FSTL5: variants seen among roughly 807,000 people sequenced by gnomAD.
FSTL5 encodes the protein follistatin-related protein 5.
Under a neutral mutation model 89.1 loss-of-function variants are expected in FSTL5, and 62 were observed. The ratio of observed to expected loss-of-function variants is 0.70; its 90% CI spans 0.57 to 0.86. The LOEUF (loss-of-function observed/expected upper bound fraction) is 0.86, where lower values mean the gene tolerates loss of function less well. FSTL5 is among the 40% of genes least tolerant of loss of function. The probability of loss-of-function intolerance (pLI) is 0.00; values close to 1 mark genes in which losing one functional copy is unlikely to be tolerated. For synonymous variants in FSTL5, 383 were observed against 346.2 expected, an observed-to-expected ratio of 1.11 and a Z score of -1.18; for missense variants, 1,057 against 1,001.6, an observed-to-expected ratio of 1.06 and a Z score of -0.75.
intron 10 of FSTL5, among the ~76,000 whole-genome samples, chr4:161,528,957 TTCA>T (rs199648877): frequency 0.074 from 10,523 of 142,798 alleles, 1,993 homozygotes; most frequent in African/African-American, 0.24. Context: ...TAAATAAAAT[TTCA>T]TCATCATCAT....
chr4:161,635,594 T>G (rs1052285885), intron 7 of FSTL5, among the ~76,000 whole-genome samples: 1 of 152,130 alleles, frequency 6.6e-6, no homozygotes, highest in Non-Finnish European at 1.5e-5. Flanking sequence ...TAAATACTCA[T>G]TGATAAAGTT....
chr4:161,879,317 T>C (rs1214053637), intron 4 of FSTL5, among the ~76,000 whole-genome samples: 2 of 152,162 alleles, frequency 1.3e-5, no homozygotes, highest in East Asian at 1.9e-4. Context: ...ACCCCTGTAA[T>C]AGCTTCCTAC....
At chr4:161,699,296 A>C (rs1738291677) in intron 6 of FSTL5, among the ~76,000 whole-genome samples, 1 of 152,226 alleles carries the variant, frequency 6.6e-6, no homozygotes, top group African/African-American at 2.4e-5. Context: ...ACATAAAAAG[A>C]TTTCATGCAA....
At chr4:162,084,790 G>T (rs375944280) in intron 2 of FSTL5, among the ~76,000 whole-genome samples, 1 of 152,014 alleles carries the variant, frequency 6.6e-6, no homozygotes, top group South Asian at 2.1e-4. Flanking sequence ...TGTGGCTAGG[G>T]GAGGGATAGC....
chr4:161,779,811 GTATA>G (rs1203119725), intron 4 of FSTL5, among the ~76,000 whole-genome samples: 35 of 40,426 alleles, frequency 8.7e-4, no homozygotes, highest in African/African-American at 2.4e-3. Flanking sequence ...ATATATATAT[GTATA>G]TATATATATA....
At chr4:161,839,499 A>C (rs1731146035) in intron 4 of FSTL5, among the ~76,000 whole-genome samples, 1 of 152,190 alleles carries the variant, frequency 6.6e-6, no homozygotes, top group South Asian at 2.1e-4. Flanking sequence ...AATGCTCAAC[A>C]ATAAAAGGGA....
intron 7 of FSTL5, among the ~76,000 whole-genome samples, chr4:161,612,300 C>T (rs866381765): frequency 4.9e-4 from 74 of 152,220 alleles, no homozygotes; most frequent in African/African-American, 1.7e-3. Context: ...TTTATTCCTA[C>T]TAATGTAGTT....
chr4:161,560,537 C>A (rs901476404), intron 8 of FSTL5, among the ~76,000 whole-genome samples: 1 of 151,264 alleles, frequency 6.6e-6, no homozygotes, highest in African/African-American at 2.4e-5. Context: ...TACAAATGTA[C>A]AAATTTTTTA....
At chr4:162,104,871 G>C (rs1731155824) in intron 2 of FSTL5, among the ~76,000 whole-genome samples, 1 of 152,096 alleles carries the variant, frequency 6.6e-6, no homozygotes, top group Non-Finnish European at 1.5e-5. Context: ...TGCCTGACTA[G>C]AGCTTGGAAG....
intron 4 of FSTL5, among the ~76,000 whole-genome samples, chr4:161,906,656 A>T (rs1733538438): frequency 6.6e-6 from 1 of 152,146 alleles, no homozygotes; most frequent in Non-Finnish European, 1.5e-5. Context: ...GCCTATGAAT[A>T]ACAAAGGCAA....
chr4:161,593,094 A>T lies in FSTL5; in HGVS notation c.895-5519T>A, dbSNP rs1733887002. 2.6e-5 allele frequency among the ~76,000 whole-genome samples: 4 copies of T among 152,052 alleles called. No individual in the cohort carries two copies. In the South Asian group the frequency reaches 8.3e-4, roughly 32 times the overall value. ...TAGAATTTTTCATGTTTATTTCTAA[A>T]TTTTTAATGTGTTGCTCAGTTCTTA... On this transcript the variant is annotated intron_variant, in intron 7 of 15. Coordinates refer to ENST00000306100, the MANE Select transcript of FSTL5 (RefSeq NM_020116.5).
chr4:162,035,543 A>C (rs1267727029), intron 2 of FSTL5: 2 of 152,122 alleles, frequency 1.3e-5, no homozygotes, highest in African/African-American at 4.8e-5. Context: ...GATCAAAGGA[A>C]GGAAATTTAA....
At chr4:161,882,979 T>C (rs1732682751) in intron 4 of FSTL5, among the ~76,000 whole-genome samples, 1 of 152,180 alleles carries the variant, frequency 6.6e-6, no homozygotes, top group Admixed American at 6.5e-5. Context: ...TATTATCTCA[T>C]TGGGATCAAT....
At chr4:162,078,257 T>G (rs1729948882) in intron 2 of FSTL5, among the ~76,000 whole-genome samples, 1 of 151,888 alleles carries the variant, frequency 6.6e-6, no homozygotes, top group Admixed American at 6.6e-5. Context: ...TACTGCTATA[T>G]ATACCATAAA....
chr4:161,741,681 A>ATTTT (rs367947098), intron 6 of FSTL5, among the ~76,000 whole-genome samples: 28 of 104,670 alleles, frequency 2.7e-4, no homozygotes, highest in African/African-American at 7.8e-4. Context: ...GAGAAGTATG[A>ATTTT]TTTTTTTTTT....
At chr4:161,662,456 T>C (rs2126688583) in intron 6 of FSTL5, among the ~76,000 whole-genome samples, 1 of 152,238 alleles carries the variant, frequency 6.6e-6, no homozygotes, top group African/African-American at 2.4e-5. Flanking sequence ...TACAAGTTTG[T>C]GAAAAATCAA....
At chr4:162,144,919 TC>T (rs563099748) in intron 1 of FSTL5, among the ~76,000 whole-genome samples, 1 of 149,556 alleles carries the variant, frequency 6.7e-6, no homozygotes, top group South Asian at 2.1e-4. Flanking sequence ...GAAGTGAGAC[TC>T]CCCCCTAAAT....
At chr4:161,474,759 A>T (rs1734071384) in intron 13 of FSTL5, among the ~76,000 whole-genome samples, 2 of 151,956 alleles carry the variant, frequency 1.3e-5, no homozygotes, top group African/African-American at 4.8e-5. Flanking sequence ...GTTGGCCAGG[A>T]TGGTCTCAAT....
intron 1 of FSTL5, among the ~76,000 whole-genome samples, chr4:162,144,322 G>A (rs530945909): frequency 1.2e-4 from 18 of 152,196 alleles, no homozygotes; most frequent in South Asian, 2.1e-4. Flanking sequence ...TTCTATTATC[G>A]ATGTAACTCA....
Sources: allele counts gnomAD v4.1 joint callset (sites outside exome capture counted in the v4.1 genomes callset), GRCh38; gene constraint gnomAD v4.1.1; transcripts MANE v1.5; gene names NCBI Gene and HGNC (gene_info 2026-07-23, HGNC 2026-07-21).